Variants in DPP6 observed in about 807,000 individuals in gnomAD.
DPP6 encodes the protein A-type potassium channel modulatory protein DPP6.
Under a neutral mutation model 122.6 loss-of-function variants are expected in DPP6, and 69 were observed. The ratio of observed to expected loss-of-function variants is 0.56; its 90% CI spans 0.46 to 0.69. The LOEUF (loss-of-function observed/expected upper bound fraction) is 0.69, where lower values mean the gene tolerates loss of function less well. Among genes scored for constraint, DPP6 ranks in the 30% least tolerant of loss-of-function variants. DPP6 has a pLI of 0.00. For missense variants in DPP6, 928 were observed against 1,116.9 expected, an observed-to-expected ratio of 0.83 and a Z score of 2.41; for synonymous variants, 418 against 433.1, an observed-to-expected ratio of 0.97 and a Z score of 0.43.
At chr7:154,449,523 C>T (rs1373010050) in intron 2 of DPP6, among the ~76,000 whole-genome samples, 1 of 152,072 alleles carries the variant, frequency 6.6e-6, no homozygotes, top group Non-Finnish European at 1.5e-5. Context: ...GAAAATAGTT[C>T]AGTAGTTCTC....
chr7:154,354,229 C>CT (rs1239754039), intron 1 of DPP6, among the ~76,000 whole-genome samples: 6 of 152,222 alleles, frequency 3.9e-5, no homozygotes, highest in African/African-American at 1.4e-4. Flanking sequence ...GTCGTCTCAA[C>CT]TTGCTCTCTT....
rs1028195309 is a variant in DPP6, at chr7:153,975,838, C to A, written c.51+88104C>A. On this transcript the variant is annotated intron_variant, in intron 1 of 25. Transcript: ENST00000404039. ...CTTGAAATCAAATAATGGCTCTAGC[C>A]GTCACTCAATGTGAGGTCGGAGGCA... Among the ~76,000 whole-genome samples the A allele has an allele frequency of 2.0e-5, 3 of 152,176 alleles. No individual in the cohort carries two copies. The East Asian group carries it at 5.8e-4, about 29-fold the overall frequency.
chr7:154,328,034 T>C (rs905195360), intron 1 of DPP6, among the ~76,000 whole-genome samples: 3 of 152,190 alleles, frequency 2.0e-5, no homozygotes, highest in African/African-American at 7.2e-5. Flanking sequence ...GTGGAGGTGG[T>C]TGTTATTCAT....
At chr7:153,812,516 G>A in the DPP6 span, among the ~76,000 whole-genome samples, 6,512 of 151,572 alleles carry the variant, frequency 0.043, 428 homozygotes, top group African/African-American at 0.15. Context: ...TTCCAAATAC[G>A]AGAATTTTCT....
At chr7:154,513,374 C>T (rs571853012) in intron 3 of DPP6, among the ~76,000 whole-genome samples, 1 of 152,202 alleles carries the variant, frequency 6.6e-6, no homozygotes, top group Non-Finnish European at 1.5e-5. Flanking sequence ...CTAATTGCCC[C>T]AAACTTTCCT....
chr7:154,197,611 T>C (rs1447146879), intron 1 of DPP6, among the ~76,000 whole-genome samples: 5 of 152,164 alleles, frequency 3.3e-5, no homozygotes, highest in Admixed American at 3.3e-4. Flanking sequence ...CTCTTGACTG[T>C]CATAACAAAG....
Position 154,106,012 on chromosome 7 carries a change from G to T in DPP6, c.243+52949G>T, listed in dbSNP as rs4067490. Among the ~76,000 whole-genome samples, 107 of 151,756 alleles carry T rather than the reference G, an allele frequency of 7.1e-4. 1 individual carries two copies. The highest frequency in any genetic ancestry group is 2.3e-3 in the East Asian group (12 of 5,144). ...TGGGCCCAGCTGTGACCTATGGAAC[G>T]GTATAACTCCCCTGAATACACTGTG... On this transcript the variant is annotated intron_variant, in intron 1 of 25. Transcript: ENST00000377770.
chr7:154,168,041 T>C (rs925281398), intron 1 of DPP6, among the ~76,000 whole-genome samples: 11 of 152,136 alleles, frequency 7.2e-5, no homozygotes, highest in African/African-American at 2.2e-4. Flanking sequence ...TTAGATTCAA[T>C]TGAGGCAGAG....
chr7:154,862,748 T>C (rs1803515405), intron 17 of DPP6, among the ~76,000 whole-genome samples: 1 of 152,180 alleles, frequency 6.6e-6, no homozygotes, highest in Non-Finnish European at 1.5e-5. Context: ...ACACCTGCCA[T>C]GGGCCCAGCA....
chr7:153,757,618 C>T, the DPP6 span, among the ~76,000 whole-genome samples: 1 of 152,164 alleles, frequency 6.6e-6, no homozygotes, highest in Admixed American at 6.5e-5. Flanking sequence ...ATTCAACCAG[C>T]CTTCAGGGTC....
At chr7:153,870,770 T>A in the DPP6 span, among the ~76,000 whole-genome samples, 1 of 152,218 alleles carries the variant, frequency 6.6e-6, no homozygotes, top group African/African-American at 2.4e-5. Context: ...TTTTTGCCCA[T>A]CTTTGTGGTT....
intron 1 of DPP6, among the ~76,000 whole-genome samples, chr7:154,304,791 C>T (rs1314733455): frequency 2.0e-5 from 3 of 152,222 alleles, no homozygotes; most frequent in African/African-American, 4.8e-5. Context: ...CCCAGACCCC[C>T]TTCCTTCTCA....
intron 1 of DPP6, among the ~76,000 whole-genome samples, chr7:154,283,578 A>T (rs575767133): frequency 2.7e-4 from 41 of 151,730 alleles, no homozygotes; most frequent in African/African-American, 9.2e-4. Context: ...TGAGAAACTT[A>T]CTCTTTATTT....
At chr7:154,115,629 A>G (rs1392374101) in intron 1 of DPP6, among the ~76,000 whole-genome samples, 3 of 152,178 alleles carry the variant, frequency 2.0e-5, no homozygotes, top group Non-Finnish European at 4.4e-5. Context: ...TGCCATTGCT[A>G]CTGATGACAC....
At chr7:154,160,644 A>G (rs1004040670) in intron 1 of DPP6, among the ~76,000 whole-genome samples, 1 of 152,162 alleles carries the variant, frequency 6.6e-6, no homozygotes, top group African/African-American at 2.4e-5. Context: ...GGGAAAAGTT[A>G]TAGAAGCCAG....
intron 1 of DPP6, among the ~76,000 whole-genome samples, chr7:154,407,421 G>A (rs1318868279): frequency 6.6e-6 from 1 of 152,144 alleles, no homozygotes; most frequent in Non-Finnish European, 1.5e-5. Flanking sequence ...GTATCTTTCA[G>A]TGCCTAGCCA....
At chr7:154,686,114 T>C (rs934093991) in intron 7 of DPP6, among the ~76,000 whole-genome samples, 1 of 151,880 alleles carries the variant, frequency 6.6e-6, no homozygotes, top group Non-Finnish European at 1.5e-5. Context: ...TGTATTACTG[T>C]CTCTTTTGCT....
At chr7:154,563,238 C>T (rs1324981975) in intron 4 of DPP6, among the ~76,000 whole-genome samples, 1 of 152,150 alleles carries the variant, frequency 6.6e-6, no homozygotes, top group Non-Finnish European at 1.5e-5. Context: ...ATGGCATGTG[C>T]CTGGCTTGCT....
chr7:154,040,856 C>T (rs1361161391), intron 1 of DPP6, among the ~76,000 whole-genome samples: 3 of 149,176 alleles, frequency 2.0e-5, no homozygotes, highest in Admixed American at 6.7e-5. Context: ...CCTCCTGCCC[C>T]GGGAAGAGGA....
Sources: gnomAD v4.1 joint callset for allele counts (sites outside exome capture counted in the v4.1 genomes callset) on GRCh38, gnomAD v4.1.1 for gene constraint, MANE v1.5 for transcripts, NCBI Gene and HGNC (gene_info 2026-07-23, HGNC 2026-07-21) for gene names.